CCDC93: variants seen among roughly 807,000 people sequenced by gnomAD.
CCDC93 encodes CCC complex scaffolding subunit CCDC93, also known as coiled-coil domain-containing protein 93.
A neutral mutation model predicts 108.2 loss-of-function variants in CCDC93; 61 were observed. The ratio of observed to expected loss-of-function variants is 0.56; its 90% CI spans 0.46 to 0.70. CCDC93 has a LOEUF of 0.70. Ranked by LOEUF, CCDC93 falls within the 30% of genes least tolerant of loss-of-function variation. The probability of loss-of-function intolerance (pLI) is 0.00; values close to 1 mark genes in which losing one functional copy is unlikely to be tolerated. For synonymous variants in CCDC93, 276 were observed against 260.4 expected, an observed-to-expected ratio of 1.06 and a Z score of -0.58; for missense variants, 685 against 764.2, an observed-to-expected ratio of 0.90 and a Z score of 1.22.
intron 13 of CCDC93, 119 bp from the exon 14 acceptor site, chr2:117,949,514 T>A: frequency 1.3e-6 from 1 of 764,760 alleles, no homozygotes. Context: ...AACTTGGATT[T>A]TAATGTGTAA....
At chr2:117,962,122 A>C (rs981037127) in intron 11 of CCDC93, among the ~76,000 whole-genome samples, 1 of 152,232 alleles carries the variant, frequency 6.6e-6, no homozygotes, top group African/African-American at 2.4e-5. Flanking sequence ...AGAGAAGCAA[A>C]AAATGATTAC....
intron 3 of CCDC93, among the ~76,000 whole-genome samples, chr2:118,006,021 T>C (rs76659578): frequency 0.012 from 1,882 of 152,256 alleles, 34 homozygotes; most frequent in East Asian, 0.061. Context: ...ACTCTGCCTT[T>C]TGTCCCCACT....
At chr2:117,961,022 C>G (rs1366366930) in intron 11 of CCDC93, among the ~76,000 whole-genome samples, 8 of 152,044 alleles carry the variant, frequency 5.3e-5, no homozygotes, top group African/African-American at 1.9e-4. Context: ...TAACTGGGTC[C>G]TGAAAGTATT....
intron 14 of CCDC93, among the ~76,000 whole-genome samples, chr2:117,949,085 T>C (rs149426319): frequency 6.6e-6 from 1 of 152,314 alleles, no homozygotes; most frequent in East Asian, 1.9e-4. Flanking sequence ...CAAAAAACTA[T>C]GCTGCTTCTG....
chr2:117,979,637 T>C (rs998359138), intron 7 of CCDC93, among the ~76,000 whole-genome samples: 13 of 152,188 alleles, frequency 8.5e-5, no homozygotes, highest in East Asian at 1.9e-4. Flanking sequence ...TTGCAACAGA[T>C]TGTCATATAA....
Position 118,000,820 on chromosome 2 carries a change from C to T in CCDC93, c.363+1G>A. ...ACAAGAAACCACACAGAGGCTCTCA[C>T]CTGAACAACAGGAAATATGTGAATA... On this transcript the variant is annotated splice_donor_variant, in intron 4 of 23. Coordinates refer to ENST00000376300, the MANE Select transcript of CCDC93 (RefSeq NM_019044.5). LOFTEE classifies it high-confidence loss of function. 2 of 1,599,032 alleles carry T rather than the reference C, an allele frequency of 1.3e-6. No homozygotes were observed. The highest frequency in any genetic ancestry group is 1.7e-6 in the Non-Finnish European group (2 of 1,166,534).
chr2:117,961,049 T>C (rs2104760535), intron 11 of CCDC93, among the ~76,000 whole-genome samples: 1 of 152,310 alleles, frequency 6.6e-6, no homozygotes, highest in Non-Finnish European at 1.5e-5. Flanking sequence ...TGTTGAGAAC[T>C]GCTACTTTAA....
intron 12 of CCDC93, among the ~76,000 whole-genome samples, chr2:117,953,760 G>A (rs1406298312): frequency 6.6e-6 from 1 of 151,456 alleles, no homozygotes; most frequent in Admixed American, 6.6e-5. Flanking sequence ...GCCCGGCATG[G>A]TGGTGTTCCT....
intron 22 of CCDC93, among the ~76,000 whole-genome samples, chr2:117,932,520 A>C (rs763272741): frequency 4.6e-5 from 7 of 152,302 alleles, no homozygotes; most frequent in Middle Eastern, 3.4e-3. Context: ...CCTTGCATTC[A>C]GTTCCTGAGT....
chr2:117,983,633 TATA>T lies in CCDC93; in HGVS notation c.620+2333_620+2335del, dbSNP rs1680220683. On this transcript the variant is annotated intron_variant, in intron 7 of 23. Coordinates refer to ENST00000376300, the MANE Select transcript of CCDC93 (RefSeq NM_019044.5). ...ACATTGAACAAACTGCTCAAAATTA[TATA>T]TATATATATATATATATATATATAT... is the stretch of plus-strand genomic sequence containing the variant. Among the ~76,000 whole-genome samples, 75 of 115,678 alleles carry T rather than the reference TATA, an allele frequency of 6.5e-4. 1 individual carries two copies. Among genetic ancestry groups the T allele is most frequent in the Middle Eastern group, 5.2e-3 (1 of 194 alleles). 75.9% of individuals were successfully genotyped at this position (115,678 alleles called of 152,430 possible).
chr2:117,947,947 G>C (rs572662493), intron 15 of CCDC93, 158 bp downstream of exon 15: 117 of 621,336 alleles, frequency 1.9e-4, no homozygotes, highest in Non-Finnish European at 3.0e-4. Flanking sequence ...GCCTGCCTTG[G>C]CTTCCCAAAG....
intron 8 of CCDC93, among the ~76,000 whole-genome samples, chr2:117,976,772 C>T (rs1056972319): frequency 6.6e-6 from 1 of 152,088 alleles, no homozygotes; most frequent in African/African-American, 2.4e-5. Context: ...CTAGTCACTG[C>T]TGGTGCCTGC....
At chr2:117,989,854 T>C (rs1309605358) in intron 6 of CCDC93, among the ~76,000 whole-genome samples, 2 of 152,234 alleles carry the variant, frequency 1.3e-5, no homozygotes, top group African/African-American at 4.8e-5. Context: ...ATTTATATTT[T>C]ACAAGCTGAA....
intron 20 of CCDC93, among the ~76,000 whole-genome samples, chr2:117,937,489 T>C (rs1559507): frequency 0.97 from 148,168 of 152,348 alleles, 72,190 homozygotes; most frequent in Middle Eastern, 1. Flanking sequence ...TAAACTATCA[T>C]AGGCATAAAT....
chr2:117,967,747 G>A (rs140711750), intron 11 of CCDC93, among the ~76,000 whole-genome samples: 13 of 152,122 alleles, frequency 8.5e-5, no homozygotes, highest in African/African-American at 1.9e-4. Flanking sequence ...ATAATATCAC[G>A]TACTCATTTA....
intron 23 of CCDC93, among the ~76,000 whole-genome samples, chr2:117,924,325 T>A (rs1028980891): frequency 6.6e-6 from 1 of 152,102 alleles, no homozygotes; most frequent in East Asian, 1.9e-4. Flanking sequence ...ACGATCAAAC[T>A]ACTCTGAGCT....
At chr2:117,986,289 T>A (rs10864965) in intron 6 of CCDC93, among the ~76,000 whole-genome samples, 147,856 of 152,014 alleles carry the variant, frequency 0.97, 72,041 homozygotes, top group Middle Eastern at 1. Flanking sequence ...AATTATACAC[T>A]TGCACACATA....
At chr2:117,941,161 A>C in intron 19 of CCDC93, 28 bp downstream of exon 19, 16 of 1,518,032 alleles carry the variant, frequency 1.1e-5, no homozygotes, top group Non-Finnish European at 1.5e-5. Flanking sequence ...CCCAGCCTCA[A>C]GAGCTTGTCT....
rs58780495 is a variant in CCDC93, at chr2:117,949,896, T to C, written c.1069-501A>G. The C allele has an allele frequency of 1.7e-4, 164 of 985,370 alleles. No homozygotes were observed. The East Asian group carries it at 0.016, about 96-fold the overall frequency. 61.0% of individuals were successfully genotyped at this position (985,370 alleles called of 1,614,324 possible). On this transcript the variant is annotated intron_variant, in intron 13 of 23. Transcript: ENST00000376300. ...GGAATGGCCTCAGGAAGAAGCTGTG[T>C]GGAGTTAGCAGACGTAGGAAGGACT...
Sources: allele counts gnomAD v4.1 joint callset (sites outside exome capture counted in the v4.1 genomes callset), GRCh38; gene constraint gnomAD v4.1.1; transcripts MANE v1.5; gene names NCBI Gene and HGNC (gene_info 2026-07-23, HGNC 2026-07-21).